FRMD4B: variants seen among roughly 807,000 people sequenced by gnomAD.
FRMD4B encodes the protein FERM domain containing 4B.
A neutral mutation model predicts 141.5 loss-of-function variants in FRMD4B; 74 were observed. The observed-to-expected ratio is 0.52, with a 90% CI of 0.43 to 0.63. FRMD4B has a LOEUF of 0.63. Ranked by LOEUF, FRMD4B falls within the 30% of genes least tolerant of loss-of-function variation. The probability of loss-of-function intolerance (pLI) is 0.00; values close to 1 mark genes in which losing one functional copy is unlikely to be tolerated. For synonymous variants in FRMD4B, 506 were observed against 467.9 expected (o/e 1.08, Z -1.05); for missense variants, 1,366 against 1,253.4 (o/e 1.09, Z -1.36).
At chr3:69,456,063 G>A (rs531134506) in intron 1 of FRMD4B, among the ~76,000 whole-genome samples, 66 of 152,288 alleles carry the variant, frequency 4.3e-4, no homozygotes, top group Middle Eastern at 3.4e-3. Flanking sequence ...TTAATAACTG[G>A]TGCCGAGTAT....
intron 1 of FRMD4B, among the ~76,000 whole-genome samples, chr3:69,333,227 C>A (rs1218188394): frequency 1.3e-5 from 2 of 152,154 alleles, no homozygotes; most frequent in Non-Finnish European, 2.9e-5. Context: ...CTGCAACTGT[C>A]CTGGAGATAA....
chr3:69,468,629 G>T (rs987627323), intron 1 of FRMD4B, among the ~76,000 whole-genome samples: 6 of 152,154 alleles, frequency 3.9e-5, no homozygotes, highest in Admixed American at 2.0e-4. Context: ...ACAAAAAATT[G>T]TCTCTCTTTT....
intron 1 of FRMD4B, among the ~76,000 whole-genome samples, chr3:69,455,261 C>T (rs1449159478): frequency 6.6e-6 from 1 of 152,222 alleles, no homozygotes; most frequent in Non-Finnish European, 1.5e-5. Flanking sequence ...CTGCCAGAGG[C>T]CACAGCAGTG....
chr3:69,426,753 A>G (rs889752301), intron 2 of FRMD4B, among the ~76,000 whole-genome samples: 5 of 152,148 alleles, frequency 3.3e-5, no homozygotes, highest in Admixed American at 1.3e-4. Context: ...AACCGTGAAA[A>G]CACAGGGTCT....
chr3:69,263,817 C>CTTTTTTTT lies in FRMD4B; in HGVS notation c.502-13726_502-13719dup, dbSNP rs3032130. ...ATCTGACTGAATGGCAACCCCATTC[C>CTTTTTTTT]TTTTTTTTTTTTTTTTTTTTTTTTT... On this transcript the variant is annotated intron_variant, in intron 5 of 22. Coordinates refer to ENST00000398540, the MANE Select transcript of FRMD4B (RefSeq NM_015123.3). Among the ~76,000 whole-genome samples the CTTTTTTTT allele has an allele frequency of 3.1e-4, 21 of 68,558 alleles. 1 individual carries two copies. Among genetic ancestry groups the CTTTTTTTT allele is most frequent in the Admixed American group, 7.8e-4 (3 of 3,852 alleles). 45.0% of individuals were successfully genotyped at this position (68,558 alleles called of 152,430 possible).
chr3:69,469,269 A>C (rs747047881), intron 1 of FRMD4B, among the ~76,000 whole-genome samples: 1 of 152,194 alleles, frequency 6.6e-6, no homozygotes, highest in Non-Finnish European at 1.5e-5. Context: ...ATCAGAATGC[A>C]GTATAGGAAG....
intron 1 of FRMD4B, among the ~76,000 whole-genome samples, chr3:69,342,918 G>A (rs899709800): frequency 2.9e-4 from 44 of 152,092 alleles, no homozygotes; most frequent in African/African-American, 1.0e-3. Context: ...GGGGGAAGGA[G>A]GGATAGGGAG....
chr3:69,304,082 G>A (rs1016449338), intron 3 of FRMD4B, among the ~76,000 whole-genome samples: 6 of 149,300 alleles, frequency 4.0e-5, no homozygotes, highest in African/African-American at 1.2e-4. Context: ...TGGCTAAAGT[G>A]GGAGGATTGC....
intron 1 of FRMD4B, among the ~76,000 whole-genome samples, chr3:69,348,626 C>A (rs1391344587): frequency 6.6e-6 from 1 of 152,184 alleles, no homozygotes; most frequent in Admixed American, 6.5e-5. Context: ...CATCAAAGAT[C>A]TTATCCACCA....
intron 5 of FRMD4B, among the ~76,000 whole-genome samples, chr3:69,267,576 TA>T (rs1288014287): frequency 1.2e-4 from 1 of 8,066 alleles, no homozygotes; most frequent in Non-Finnish European, 3.4e-4. Flanking sequence ...CATATATATA[TA>T]TGTGTGTGTG....
chr3:69,401,253 G>A (rs955592515), intron 2 of FRMD4B, among the ~76,000 whole-genome samples: 6 of 152,108 alleles, frequency 3.9e-5, no homozygotes, highest in African/African-American at 1.4e-4. Context: ...CCATAGCAAT[G>A]GAAATATATG....
At chr3:69,414,914 G>T (rs1385510791) in intron 2 of FRMD4B, among the ~76,000 whole-genome samples, 1 of 137,400 alleles carries the variant, frequency 7.3e-6, no homozygotes, top group African/African-American at 2.8e-5. Flanking sequence ...CACCTAGGCT[G>T]GAGTGCAGTA....
At chr3:69,419,803 A>G (rs955208680) in intron 2 of FRMD4B, among the ~76,000 whole-genome samples, 6 of 152,216 alleles carry the variant, frequency 3.9e-5, no homozygotes, top group African/African-American at 1.4e-4. Flanking sequence ...TACACAGAGA[A>G]GAACTTGCAG....
chr3:69,296,296 G>A (rs374185633), intron 4 of FRMD4B, among the ~76,000 whole-genome samples: 18 of 152,146 alleles, frequency 1.2e-4, no homozygotes, highest in Admixed American at 3.9e-4. Flanking sequence ...TTTGCAAGGG[G>A]AGTGAGCAGA....
chr3:69,541,559 AAG>A (rs1701183943), intron 1 of FRMD4B, among the ~76,000 whole-genome samples: 1 of 152,200 alleles, frequency 6.6e-6, no homozygotes, highest in Admixed American at 6.5e-5. Flanking sequence ...AATGCAAGGG[AAG>A]AGTTTGTCCT....
chr3:69,211,024 A>G (rs1318296568), intron 11 of FRMD4B, among the ~76,000 whole-genome samples: 187 of 4,514 alleles, frequency 0.041, 1 homozygote, highest in African/African-American at 0.077. Flanking sequence ...TGCCATCTCG[A>G]AAAAAAAAAA....
At chr3:69,379,278 T>TTA (rs1360169108) in intron 1 of FRMD4B, among the ~76,000 whole-genome samples, 24 of 152,070 alleles carry the variant, frequency 1.6e-4, no homozygotes, top group Admixed American at 8.5e-4. Context: ...TTCTAAGTAA[T>TTA]TATATATATA....
intron 4 of FRMD4B, among the ~76,000 whole-genome samples, chr3:69,291,489 C>A (rs1235670495): frequency 1.3e-5 from 2 of 152,170 alleles, no homozygotes; most frequent in African/African-American, 4.8e-5. Context: ...TCGTAAGGAT[C>A]ACTGGCTGGA....
intron 22 of FRMD4B, among the ~76,000 whole-genome samples, 169 bp downstream of exon 22, chr3:69,176,355 C>T (rs1040962638): frequency 1.3e-5 from 2 of 152,214 alleles, no homozygotes; most frequent in African/African-American, 4.8e-5. Context: ...ATGAGGGTGG[C>T]TATTCTCCAA....
Sources: allele counts gnomAD v4.1 joint callset (sites outside exome capture counted in the v4.1 genomes callset), GRCh38; gene constraint gnomAD v4.1.1; transcripts MANE v1.5; gene names NCBI Gene and HGNC (gene_info 2026-07-23, HGNC 2026-07-21).